RAB3C: variants seen among roughly 807,000 people sequenced by gnomAD.
The protein encoded by RAB3C is ras-related protein Rab-3C.
RAB3C carries 17 observed loss-of-function variants against 26.4 expected under a neutral mutation model. The observed-to-expected ratio is 0.64, with a 90% CI of 0.44 to 0.97. RAB3C has a LOEUF of 0.97. Ranked by LOEUF, RAB3C falls within the 50% of genes least tolerant of loss-of-function variation. The probability of loss-of-function intolerance (pLI) is 0.00; values close to 1 mark genes in which losing one functional copy is unlikely to be tolerated. For missense variants in RAB3C, 242 were observed against 281.9 expected, an observed-to-expected ratio of 0.86 and a Z score of 1.01; for synonymous variants, 91 against 95.9, an observed-to-expected ratio of 0.95 and a Z score of 0.30.
chr5:58,774,607 G>A (rs1450031911), intron 3 of RAB3C, among the ~76,000 whole-genome samples: 3 of 152,062 alleles, frequency 2.0e-5, no homozygotes, highest in Admixed American at 1.3e-4. Flanking sequence ...TAAAATAGAT[G>A]TTTATAAATT....
intron 4 of RAB3C, among the ~76,000 whole-genome samples, chr5:58,842,832 G>A (rs1240295826): frequency 6.6e-6 from 1 of 152,190 alleles, no homozygotes; most frequent in African/African-American, 2.4e-5. Context: ...CTATTGAAAG[G>A]AGGTAGATAT....
At chr5:58,814,958 C>T (rs149126176) in intron 3 of RAB3C, among the ~76,000 whole-genome samples, 249 of 152,144 alleles carry the variant, frequency 1.6e-3, no homozygotes, top group African/African-American at 5.7e-3. Flanking sequence ...CTTGAGCTCT[C>T]GAAATATGTT....
intron 3 of RAB3C, among the ~76,000 whole-genome samples, chr5:58,771,166 CATGAG>C (rs1742023415): frequency 6.6e-6 from 1 of 151,988 alleles, no homozygotes; most frequent in Non-Finnish European, 1.5e-5. Context: ...GTAGGAAAAC[CATGAG>C]TAAGCTACCT....
At chr5:58,706,315 C>T (rs544994218) in intron 2 of RAB3C, among the ~76,000 whole-genome samples, 2 of 152,142 alleles carry the variant, frequency 1.3e-5, no homozygotes, top group South Asian at 4.2e-4. Flanking sequence ...CGGTGGCCAC[C>T]TTGGGCATTC....
At chr5:58,616,936 T>G (rs73759508) in intron 1 of RAB3C, among the ~76,000 whole-genome samples, 6,102 of 152,240 alleles carry the variant, frequency 0.04, 220 homozygotes, top group African/African-American at 0.11. Context: ...GAATCCTGCC[T>G]CTACTATTAA....
intron 1 of RAB3C, among the ~76,000 whole-genome samples, chr5:58,586,373 A>T (rs781756220): frequency 1.3e-5 from 2 of 152,082 alleles, no homozygotes; most frequent in Non-Finnish European, 2.9e-5. Context: ...ATTCCCCAAG[A>T]AGACATAAAT....
At chr5:58,599,024 C>T (rs942986878) in intron 1 of RAB3C, among the ~76,000 whole-genome samples, 2 of 152,068 alleles carry the variant, frequency 1.3e-5, no homozygotes, top group Non-Finnish European at 2.9e-5. Flanking sequence ...GAGGAAACTG[C>T]AGCTTAGGAT....
intron 2 of RAB3C, among the ~76,000 whole-genome samples, chr5:58,724,183 C>G (rs1740831529): frequency 6.6e-6 from 1 of 151,590 alleles, no homozygotes; most frequent in African/African-American, 2.4e-5. Context: ...GTAATAAAAG[C>G]TAGTACTTGC....
At chr5:58,781,125 A>C (rs1487594603) in intron 3 of RAB3C, among the ~76,000 whole-genome samples, 2 of 152,042 alleles carry the variant, frequency 1.3e-5, no homozygotes, top group Non-Finnish European at 2.9e-5. Context: ...AAATGAATGA[A>C]TAAATGGGAA....
chr5:58,815,558 G>T (rs1380675718), intron 3 of RAB3C, among the ~76,000 whole-genome samples: 1 of 152,162 alleles, frequency 6.6e-6, no homozygotes. Context: ...GGGTATAAAA[G>T]GTTCTGTGGA....
At chr5:58,705,723 C>T (rs1748930173) in intron 2 of RAB3C, among the ~76,000 whole-genome samples, 2 of 152,122 alleles carry the variant, frequency 1.3e-5, no homozygotes, top group South Asian at 4.1e-4. Flanking sequence ...TTGTCTTCCC[C>T]CTACCCACTT....
chr5:58,659,653 C>G (rs1747856553), intron 2 of RAB3C, among the ~76,000 whole-genome samples: 1 of 151,694 alleles, frequency 6.6e-6, no homozygotes, highest in Non-Finnish European at 1.5e-5. Flanking sequence ...AGCTTCATTT[C>G]CCCCACTGAT....
intron 3 of RAB3C, among the ~76,000 whole-genome samples, chr5:58,737,413 A>G (rs1307501443): frequency 3.8e-5 from 3 of 78,738 alleles, no homozygotes; most frequent in African/African-American, 2.2e-4. Flanking sequence ...ATATATATAT[A>G]TATATATATA....
chr5:58,686,159 G>T (rs947601308), intron 2 of RAB3C, among the ~76,000 whole-genome samples: 1 of 152,096 alleles, frequency 6.6e-6, no homozygotes, highest in African/African-American at 2.4e-5. Flanking sequence ...GCTATTGGAG[G>T]CAGGAAGTAC....
At chr5:58,694,736 T>A (rs1311200186) in intron 2 of RAB3C, among the ~76,000 whole-genome samples, 1 of 152,240 alleles carries the variant, frequency 6.6e-6, no homozygotes, top group African/African-American at 2.4e-5. Flanking sequence ...TGTCTTCTTT[T>A]GAGAAGTGTC....
chr5:58,663,057 T>C (rs1747936153), intron 2 of RAB3C, among the ~76,000 whole-genome samples: 1 of 150,382 alleles, frequency 6.6e-6, no homozygotes, highest in African/African-American at 2.5e-5. Context: ...GTCAATAATA[T>C]AAATAGTACT....
Position 58,726,925 on chromosome 5 carries a change from G to A in RAB3C, c.371+805G>A, listed in dbSNP as rs950905033. Among the ~76,000 whole-genome samples, 9 of 152,046 alleles carry A rather than the reference G, an allele frequency of 5.9e-5. No homozygotes were observed. In the South Asian group the frequency reaches 6.2e-4, roughly 11 times the overall value. ...GCTCAAGCACAGGGCTAAAGAGGAC[G>A]GTTTTTCTGTGGAAGGAGCGAGAAT... On this transcript the variant is annotated intron_variant, in intron 3 of 4. Transcript: ENST00000282878.
Position 58,855,968 on chromosome 5 carries a change from A to T in RAB3C, c.*4617A>T, listed in dbSNP as rs1393886125. ...ACAGAAATGCTTGACACTCCGGTCA[A>T]ATAATATTTCCCTTTGATAGATTGA... On this transcript the variant is annotated 3_prime_UTR_variant, in exon 5 of 5. Coordinates refer to ENST00000282878, the MANE Select transcript of RAB3C (RefSeq NM_138453.4). 6.6e-6 allele frequency: 1 copy of T among 152,184 alleles called. No individual in the cohort carries two copies. The highest frequency in any genetic ancestry group is 1.5e-5 in the Non-Finnish European group (1 of 68,036). The allele number at this position is 152,184 out of a possible 1,614,324, so 9.4% of individuals were successfully genotyped here.
intron 3 of RAB3C, 116 bp from the exon 4 acceptor site, chr5:58,824,922 T>G: frequency 3.1e-6 from 2 of 636,728 alleles, no homozygotes; most frequent in Non-Finnish European, 5.1e-6. Flanking sequence ...CATTTGGACA[T>G]CGTGTTTTTT....
Sources: allele counts gnomAD v4.1 joint callset (sites outside exome capture counted in the v4.1 genomes callset), GRCh38; gene constraint gnomAD v4.1.1; transcripts MANE v1.5; gene names NCBI Gene and HGNC (gene_info 2026-07-23, HGNC 2026-07-21).